The following KIF13B variants were observed in gnomAD, a reference collection of about 807,000 sequenced individuals.
The protein encoded by KIF13B is kinesin-like protein KIF13B.
A neutral mutation model predicts 222.0 loss-of-function variants in KIF13B; 127 were observed. The ratio of observed to expected loss-of-function variants is 0.57; its 90% CI spans 0.50 to 0.66. The LOEUF is 0.66. KIF13B is among the 30% of genes least tolerant of loss of function. The pLI, the probability that KIF13B is intolerant of heterozygous loss-of-function variation, is 0.00. For missense variants in KIF13B, 2,173 were observed against 2,379.0 expected (o/e 0.91, Z 1.80); for synonymous variants, 976 against 919.0 (o/e 1.06, Z -1.12).
chr8:29,072,956 G>T (rs534131939), intron 38 of KIF13B, among the ~76,000 whole-genome samples: 1 of 152,068 alleles, frequency 6.6e-6, no homozygotes, highest in African/African-American at 2.4e-5. Context: ...CCTAAACAAT[G>T]ATCTCATCGG....
At chr8:29,178,122 C>T (rs1425163370) in intron 8 of KIF13B, among the ~76,000 whole-genome samples, 2 of 152,134 alleles carry the variant, frequency 1.3e-5, no homozygotes. Flanking sequence ...AAAACAGTGC[C>T]TCCAAAATGG....
intron 13 of KIF13B, among the ~76,000 whole-genome samples, chr8:29,156,666 C>A (rs974670393): frequency 2.6e-5 from 4 of 151,558 alleles, no homozygotes; most frequent in African/African-American, 9.7e-5. Flanking sequence ...GCAGGCACCA[C>A]CTTGACCAAC....
rs2133463794 is a variant in KIF13B, at chr8:29,071,499, A to G, written c.5218+121T>C. ...CCCAGCCGCTCCCGCAGCTTCAGCC[A>G]AGCCGCTGCCTCCCGGCCCCTCCCT... On this transcript the variant is annotated intron_variant, in intron 39 of 39. Coordinates refer to ENST00000524189, the MANE Select transcript of KIF13B (RefSeq NM_015254.4). The surrounding 1 kb of genome is among the most constrained non-coding windows in gnomAD (Gnocchi z 4.9). 1.2e-5 allele frequency: 11 copies of G among 883,810 alleles called. No individual in the cohort carries two copies. Among genetic ancestry groups the G allele is most frequent in the Non-Finnish European group, 1.9e-5 (11 of 574,734 alleles). The allele number at this position is 883,810 out of a possible 1,614,324, so 54.7% of individuals were successfully genotyped here.
chr8:29,202,305 G>C (rs1813730478), intron 2 of KIF13B, among the ~76,000 whole-genome samples: 1 of 152,102 alleles, frequency 6.6e-6, no homozygotes, highest in African/African-American at 2.4e-5. Context: ...GTTGCCGCAA[G>C]TGGGATATCT....
intron 36 of KIF13B, among the ~76,000 whole-genome samples, chr8:29,093,913 AGAGAG>A (rs748915403): frequency 3.3e-5 from 5 of 152,248 alleles, no homozygotes; most frequent in Admixed American, 6.5e-5. Flanking sequence ...GAGAAAAATA[AGAGAG>A]GAGACAGAAA....
In KIF13B at chr8:29,067,446, C is replaced by T. The variant is rs959365553; in HGVS notation, c.*3058G>A. Reference sequence around the variant, plus strand: ...TTTTTAAACTCCCATTTACTGTGTACCAAATCAATATAATCACAGAATCAA... The same window carrying T: ...TTTTTAAACTCCCATTTACTGTGTATCAAATCAATATAATCACAGAATCAA... On this transcript the variant is annotated 3_prime_UTR_variant, in exon 40 of 40. Coordinates refer to ENST00000524189, the MANE Select transcript of KIF13B (RefSeq NM_015254.4). 1 of 152,532 alleles carries T rather than the reference C, an allele frequency of 6.6e-6. No individual in the cohort carries two copies. Among genetic ancestry groups the T allele is most frequent in the African/African-American group, 2.4e-5 (1 of 41,446 alleles). 9.4% of individuals were successfully genotyped at this position (152,532 alleles called of 1,614,324 possible). A position where few individuals can be genotyped will look rare whatever the true frequency, so the allele number is the denominator to read the frequency against.
chr8:29,146,258 A>T, intron 18 of KIF13B, 120 bp downstream of exon 18: 1 of 969,686 alleles, frequency 1.0e-6, no homozygotes, highest in East Asian at 2.4e-5. Context: ...AGCATGGAGG[A>T]CAAAGGATCT....
intron 24 of KIF13B, among the ~76,000 whole-genome samples, chr8:29,129,600 A>G (rs1810258855): frequency 6.6e-6 from 1 of 152,194 alleles, no homozygotes; most frequent in Non-Finnish European, 1.5e-5. Context: ...AAAGTATGGA[A>G]ACTCATAGAA....
chr8:29,107,995 T>C (rs930991616), intron 35 of KIF13B, 144 bp downstream of exon 35: 6 of 670,298 alleles, frequency 9.0e-6, no homozygotes, highest in African/African-American at 1.8e-5. Context: ...AGAAATGAAC[T>C]CTAAAACACT....
intron 14 of KIF13B, among the ~76,000 whole-genome samples, chr8:29,151,993 G>A (rs1327935897): frequency 6.6e-6 from 1 of 152,184 alleles, no homozygotes; most frequent in Non-Finnish European, 1.5e-5. Flanking sequence ...TTATTCAGAG[G>A]AGGAAGTAAA....
In KIF13B at chr8:29,155,540, T is replaced by C. The variant is rs1811482033; in HGVS notation, c.1535+186A>G. Among the ~76,000 whole-genome samples the C allele has an allele frequency of 2.6e-5, 4 of 152,274 alleles. No individual in the cohort carries two copies. In the South Asian group the frequency reaches 6.2e-4, roughly 24 times the overall value. ...ATGAGGGCCTAAATACGTAAGGCCA[T>C]GGCAGTGGGTATAGAGAGGAAGGAA... On this transcript the variant is annotated intron_variant, in intron 14 of 39. Transcript: ENST00000524189.
In KIF13B at chr8:29,095,986, G is replaced by T. The variant is rs199822074; in HGVS notation, c.4325-3108C>A. ...TAGTGTTTTTTTTTGTTTGTTTTTTGTTTTTTTTTTTTTAAGACAGAGTCT... is the reference window on the plus strand; with the variant it reads ...TAGTGTTTTTTTTTGTTTGTTTTTTTTTTTTTTTTTTTTAAGACAGAGTCT... On this transcript the variant is annotated intron_variant, in intron 36 of 39. Transcript: ENST00000524189. Among the ~76,000 whole-genome samples, 61 of 139,334 alleles carry T rather than the reference G, an allele frequency of 4.4e-4. 1 individual carries two copies. The highest frequency in any genetic ancestry group is 3.6e-3 in the Middle Eastern group (1 of 276). 91.4% of individuals were successfully genotyped at this position (139,334 alleles called of 152,430 possible). A position where few individuals can be genotyped will look rare whatever the true frequency, so the allele number is the denominator to read the frequency against.
At chr8:29,100,013 C>A (rs1434402440) in intron 35 of KIF13B, among the ~76,000 whole-genome samples, 1 of 152,204 alleles carries the variant, frequency 6.6e-6, no homozygotes, top group Non-Finnish European at 1.5e-5. Context: ...CACTGACTCA[C>A]ATATAGTGCA....
At chr8:29,112,512 G>C (rs1236715091) in intron 32 of KIF13B, among the ~76,000 whole-genome samples, 1 of 151,600 alleles carries the variant, frequency 6.6e-6, no homozygotes, top group African/African-American at 2.4e-5. Flanking sequence ...AACAGTGTCA[G>C]TGGGCAAATC....
intron 32 of KIF13B, among the ~76,000 whole-genome samples, chr8:29,112,148 C>A (rs1297941877): frequency 1.3e-5 from 2 of 152,170 alleles, no homozygotes; most frequent in African/African-American, 2.4e-5. Flanking sequence ...TAATATTTTT[C>A]TTTTCCAAAA....
At position 29,124,010 on chromosome 8, in the gene KIF13B, T is replaced by C. The variant is rs764982873; in HGVS notation, c.3352+14A>G. On this transcript the variant is annotated intron_variant, in intron 27 of 39. Transcript: ENST00000524189. ...ATTTGCAGGGGAGAAAAATATTCTATTTGTTTTTCCTACCACGTTTACTGA... is the reference window on the plus strand; with the variant it reads ...ATTTGCAGGGGAGAAAAATATTCTACTTGTTTTTCCTACCACGTTTACTGA... The C allele has an allele frequency of 1.6e-5, 24 of 1,524,468 alleles. No homozygotes were observed. The highest frequency in any genetic ancestry group is 5.1e-5 in the Admixed American group (3 of 58,434). The allele number at this position is 1,524,468 out of a possible 1,614,324, so 94.4% of individuals were successfully genotyped here.
At position 29,118,913 on chromosome 8, in the gene KIF13B, T is replaced by C; in HGVS notation, c.3615A>G (p.Glu1205=). Residue 1205 remains glutamate (E), a synonymous_variant, in exon 30 of 40, where the codon GAA becomes GAG. Coordinates refer to ENST00000524189, the MANE Select transcript of KIF13B (RefSeq NM_015254.4). The part of the protein sequence containing the change: ...GWDATLTGEE[E]EEFFELQIVK... ...CAATCTGCAATTCAAAGAACTCCTC[T>C]TCTTCTTCCCCAGTCAAGGTCGCAT... 7.4e-6 allele frequency: 12 copies of C among 1,613,686 alleles called. No homozygotes were observed. The highest frequency in any genetic ancestry group is 1.0e-5 in the Non-Finnish European group (12 of 1,179,776).
intron 14 of KIF13B, among the ~76,000 whole-genome samples, chr8:29,153,503 G>A (rs995829529): frequency 4.1e-5 from 2 of 48,388 alleles, no homozygotes; most frequent in East Asian, 2.3e-4. Flanking sequence ...TTGGAAGGGC[G>A]GGAAATAATT....
intron 14 of KIF13B, among the ~76,000 whole-genome samples, chr8:29,152,249 G>A (rs571297671): frequency 1.8e-4 from 28 of 152,306 alleles, no homozygotes; most frequent in African/African-American, 6.5e-4. Flanking sequence ...TCCTGGTGAA[G>A]ATGCTGTGAA....
Sources: gnomAD v4.1 joint callset for allele counts (sites outside exome capture counted in the v4.1 genomes callset) on GRCh38, gnomAD v4.1.1 for gene constraint, Gnocchi (gnomAD v3.1) non-coding constraint, MANE v1.5 for transcripts, NCBI Gene and HGNC (gene_info 2026-07-23, HGNC 2026-07-21) for gene names.